Variants in BRINP3 observed in about 807,000 individuals in gnomAD.
BRINP3 encodes BMP/retinoic acid-inducible neural-specific protein 3.
BRINP3 carries 19 observed loss-of-function variants against 71.0 expected under a neutral mutation model. That is an observed-to-expected ratio of 0.27 (90% CI 0.19 to 0.39). The LOEUF is 0.39. Among genes scored for constraint, BRINP3 ranks in the 10% least tolerant of loss-of-function variants. The pLI is 1.00. For missense variants in BRINP3, 959 were observed against 940.8 expected (o/e 1.02, Z -0.25); for synonymous variants, 380 against 337.7 (o/e 1.13, Z -1.37).
chr1:190,175,561 G>C (rs1201077297), intron 6 of BRINP3, among the ~76,000 whole-genome samples: 2 of 152,082 alleles, frequency 1.3e-5, no homozygotes, highest in Non-Finnish European at 2.9e-5. Context: ...AGCCAGAAAT[G>C]CTGCTGCTTC....
chr1:190,397,920 A>T (rs1671683246), intron 2 of BRINP3, among the ~76,000 whole-genome samples: 3 of 151,946 alleles, frequency 2.0e-5, no homozygotes, highest in South Asian at 4.1e-4. Flanking sequence ...TTCCCAGAAA[A>T]TATATATGTG....
At chr1:190,110,626 G>A (rs541011009) in intron 7 of BRINP3, among the ~76,000 whole-genome samples, 4 of 152,118 alleles carry the variant, frequency 2.6e-5, no homozygotes, top group Non-Finnish European at 5.9e-5. Flanking sequence ...GAGTCCTGTA[G>A]TATAAATGGA....
intron 6 of BRINP3, among the ~76,000 whole-genome samples, chr1:190,215,212 G>A (rs1378316958): frequency 6.6e-6 from 1 of 151,620 alleles, no homozygotes; most frequent in Admixed American, 6.6e-5. Context: ...CATAGACATG[G>A]AAACAGATTA....
chr1:190,357,252 C>T (rs1333018771), intron 2 of BRINP3, among the ~76,000 whole-genome samples: 1 of 151,888 alleles, frequency 6.6e-6, no homozygotes, highest in Admixed American at 6.6e-5. Context: ...AAATTGACCG[C>T]CTTGAGTGAA....
intron 1 of BRINP3, among the ~76,000 whole-genome samples, chr1:190,457,986 T>A (rs1311843287): frequency 6.6e-6 from 1 of 152,010 alleles, no homozygotes; most frequent in Non-Finnish European, 1.5e-5. Flanking sequence ...GTTACAGTAG[T>A]GGAACAATTT....
intron 1 of BRINP3, among the ~76,000 whole-genome samples, chr1:190,459,962 C>T (rs936295616): frequency 6.6e-6 from 1 of 151,758 alleles, no homozygotes; most frequent in Non-Finnish European, 1.5e-5. Context: ...GTCTCTCTCC[C>T]TCTCATAAAT....
intron 2 of BRINP3, among the ~76,000 whole-genome samples, chr1:190,289,376 C>G (rs970051876): frequency 6.6e-6 from 1 of 151,848 alleles, no homozygotes; most frequent in Non-Finnish European, 1.5e-5. Flanking sequence ...AGGTCATAGG[C>G]TTTAATATAC....
chr1:190,307,277 T>C (rs1452687221), intron 2 of BRINP3, among the ~76,000 whole-genome samples: 1 of 130,472 alleles, frequency 7.7e-6, no homozygotes, highest in Non-Finnish European at 1.6e-5. Context: ...TTTTTTTTTT[T>C]TTTTTTTTTG....
intron 2 of BRINP3, among the ~76,000 whole-genome samples, chr1:190,284,736 C>T (rs1171445418): frequency 2.0e-5 from 3 of 151,952 alleles, no homozygotes; most frequent in Non-Finnish European, 1.5e-5. Context: ...TTTGACACCC[C>T]ATCTATTAAT....
chr1:190,284,746 T>C (rs2102946199), intron 2 of BRINP3, among the ~76,000 whole-genome samples: 1 of 152,168 alleles, frequency 6.6e-6, no homozygotes, highest in East Asian at 1.9e-4. Context: ...CATCTATTAA[T>C]CTATTATCTC....
At chr1:190,162,195 A>AT (rs200789147) in intron 6 of BRINP3, among the ~76,000 whole-genome samples, 25,623 of 144,404 alleles carry the variant, frequency 0.18, 2,822 homozygotes, top group African/African-American at 0.31. Flanking sequence ...TAATAGATGC[A>AT]TTTTTTTTTT....
intron 6 of BRINP3, among the ~76,000 whole-genome samples, chr1:190,173,458 G>A (rs1325792459): frequency 6.6e-6 from 1 of 152,214 alleles, no homozygotes; most frequent in Non-Finnish European, 1.5e-5. Context: ...AAAGTCAAGA[G>A]AAAGGGAGAT....
rs187931577 is a variant in BRINP3, at chr1:190,245,581, G to A, written c.619-11104C>T. Among the ~76,000 whole-genome samples the A allele has an allele frequency of 5.9e-5, 9 of 151,960 alleles. No individual in the cohort carries two copies. The East Asian group carries it at 1.6e-3, about 26-fold the overall frequency. ...TCTTAAAAAATAACAAAAATGGAAA[G>A]GACAAGAAGTTTAGTGATTTTTTTT... On this transcript the variant is annotated intron_variant, in intron 4 of 7. Transcript: ENST00000367462.
intron 4 of BRINP3, among the ~76,000 whole-genome samples, chr1:190,252,774 T>TTTA (rs368050022): frequency 0.015 from 2,309 of 150,874 alleles, 35 homozygotes; most frequent in African/African-American, 0.041. Flanking sequence ...CAGATGCTAG[T>TTTA]TTATTATTAT....
At chr1:190,161,152 T>C (rs1657325924) in intron 6 of BRINP3, among the ~76,000 whole-genome samples, 2 of 152,066 alleles carry the variant, frequency 1.3e-5, no homozygotes, top group East Asian at 1.9e-4. Context: ...CTAAAGCAAA[T>C]AGTTGAAGCA....
intron 2 of BRINP3, 108 bp downstream of exon 2, chr1:190,454,547 C>G (rs1239820972): frequency 3.8e-6 from 3 of 791,414 alleles, no homozygotes; most frequent in East Asian, 5.4e-5. Context: ...AAATAACAAC[C>G]CTTCTGATAA....
intron 2 of BRINP3, among the ~76,000 whole-genome samples, chr1:190,402,627 T>TA (rs1571959138): frequency 6.6e-6 from 1 of 152,210 alleles, no homozygotes; most frequent in African/African-American, 2.4e-5. Flanking sequence ...TTATATTCAA[T>TA]AAAAAATATA....
chr1:190,262,440 C>T lies in BRINP3; in HGVS notation c.618+2425G>A, dbSNP rs144601674. Among the ~76,000 whole-genome samples the T allele has an allele frequency of 5.6e-3, 856 of 152,256 alleles. 5 individuals are homozygous for T. Among genetic ancestry groups the T allele is most frequent in the African/African-American group, 0.019 (770 of 41,556 alleles). ...GTATTCTTGGCTATGTTGTTACCAG[C>T]TGGTGCTTATCTTATTTCCTTTTTT... On this transcript the variant is annotated intron_variant, in intron 4 of 7. Transcript: ENST00000367462.
intron 2 of BRINP3, among the ~76,000 whole-genome samples, chr1:190,373,478 ATG>A (rs1669997905): frequency 1.3e-5 from 2 of 151,310 alleles, no homozygotes; most frequent in South Asian, 2.1e-4. Context: ...ATATGTATAT[ATG>A]TGTGTGTATA....
Sources: allele counts gnomAD v4.1 joint callset (sites outside exome capture counted in the v4.1 genomes callset), GRCh38; gene constraint gnomAD v4.1.1; transcripts MANE v1.5; gene names NCBI Gene and HGNC (gene_info 2026-07-23, HGNC 2026-07-21).